Variants in CHODL observed in about 807,000 individuals in gnomAD.
CHODL encodes transmembrane protein MT75.
In CHODL, 29 loss-of-function variants were observed where a neutral mutation model predicts 34.5. That is an observed-to-expected ratio of 0.84 (90% CI 0.63 to 1.15). The LOEUF (loss-of-function observed/expected upper bound fraction) is 1.15. Among genes scored for constraint, CHODL ranks in the 50% most tolerant of loss-of-function variants. CHODL has a pLI of 0.00. For missense variants in CHODL, 332 were observed against 332.5 expected (o/e 1.00, Z 0.01); for synonymous variants, 125 against 116.1 (o/e 1.08, Z -0.49).
chr21:18,150,339 A>T (rs116438295), intron 2 of CHODL, among the ~76,000 whole-genome samples: 23 of 152,148 alleles, frequency 1.5e-4, no homozygotes, highest in African/African-American at 5.5e-4. Flanking sequence ...GGCATGTCTG[A>T]CCCCACTCCC....
intron 2 of CHODL, among the ~76,000 whole-genome samples, chr21:18,121,953 T>C (rs2824638): frequency 0.1 from 15,679 of 152,202 alleles, 1,005 homozygotes; most frequent in Middle Eastern, 0.14. Flanking sequence ...AGATTTTTAT[T>C]ATCAGTGCCA....
chr21:18,240,180 G>C (rs2074068277), upstream of CHODL, among the ~76,000 whole-genome samples: 1 of 152,014 alleles, frequency 6.6e-6, no homozygotes, highest in Admixed American at 6.5e-5. Context: ...TATAAATTAA[G>C]TGACATTTTA....
chr21:18,117,665 T>C (rs2065428773), intron 2 of CHODL, among the ~76,000 whole-genome samples: 1 of 151,968 alleles, frequency 6.6e-6, no homozygotes, highest in African/African-American at 2.4e-5. Flanking sequence ...AAATGAGTTA[T>C]TGTCATTGTG....
intron 2 of CHODL, among the ~76,000 whole-genome samples, chr21:18,095,481 C>A (rs1002881415): frequency 2.0e-5 from 3 of 152,080 alleles, no homozygotes; most frequent in African/African-American, 7.2e-5. Context: ...CCTGAACATA[C>A]CAATAACAAG....
chr21:18,236,430 A>G (rs2074029488), intron 2 of CHODL, among the ~76,000 whole-genome samples: 3 of 152,060 alleles, frequency 2.0e-5, no homozygotes, highest in South Asian at 4.1e-4. Flanking sequence ...GTAGCTTTTG[A>G]GCATTTAGAC....
rs554739874 is a variant in CHODL at position 18,231,178 on chromosome 21, A to G, written c.-44-25331A>G. ...TTTAAGTTGAAGAAAGAACTAGTCA[A>G]TGTTATAACAAAGTAGCGGTATTCC... is the stretch of plus-strand genomic sequence containing the variant. On this transcript the variant is annotated intron_variant, in intron 2 of 6. Transcript: ENST00000400127. 3.0e-4 allele frequency among the ~76,000 whole-genome samples: 46 copies of G among 152,252 alleles called. No individual in the cohort carries two copies. In the East Asian group the frequency reaches 7.7e-3, roughly 26 times the overall value.
chr21:18,145,852 A>T (rs2072878696), intron 2 of CHODL, among the ~76,000 whole-genome samples: 1 of 152,228 alleles, frequency 6.6e-6, no homozygotes, highest in Non-Finnish European at 1.5e-5. Flanking sequence ...GTATATACTC[A>T]CACATGTGGA....
intron 2 of CHODL, among the ~76,000 whole-genome samples, chr21:18,079,551 A>G (rs2064910757): frequency 6.7e-6 from 1 of 150,068 alleles, no homozygotes; most frequent in Admixed American, 6.7e-5. Context: ...TATGTATGTG[A>G]TAAATATAAA....
chr21:18,224,571 G>T (rs2073914181), intron 2 of CHODL, among the ~76,000 whole-genome samples: 1 of 152,080 alleles, frequency 6.6e-6, no homozygotes, highest in Admixed American at 6.6e-5. Context: ...ACTATTCCTG[G>T]ATCTCTATTT....
chr21:18,163,363 A>T lies in CHODL; in HGVS notation c.-44-93146A>T, dbSNP rs538589935. ...CTAAAAAAGTTACATGACTGAAAAC[A>T]TTTGGAAATATTGGACTGAACAAAT... is the stretch of plus-strand genomic sequence containing the variant. On this transcript the variant is annotated intron_variant, in intron 2 of 6. Coordinates refer to the CHODL transcript ENST00000400127. Among the ~76,000 whole-genome samples, 212 of 152,332 alleles carry T rather than the reference A, an allele frequency of 1.4e-3. 1 individual carries two copies. The highest frequency in any genetic ancestry group is 2.6e-3 in the Non-Finnish European group (174 of 68,016).
intron 1 of CHODL, among the ~76,000 whole-genome samples, chr21:18,256,001 T>G (rs2074310762): frequency 6.6e-6 from 1 of 152,162 alleles, no homozygotes; most frequent in East Asian, 1.9e-4. Context: ...ACTTTCAATT[T>G]TAATAGATTT....
At chr21:18,141,427 A>G (rs2072801078) in intron 2 of CHODL, among the ~76,000 whole-genome samples, 2 of 152,130 alleles carry the variant, frequency 1.3e-5, no homozygotes, top group African/African-American at 4.8e-5. Flanking sequence ...GAATGGAATG[A>G]ACAGCAGTAG....
chr21:18,193,235 T>G (rs1453993324), intron 2 of CHODL, among the ~76,000 whole-genome samples: 1 of 152,214 alleles, frequency 6.6e-6, no homozygotes, highest in East Asian at 1.9e-4. Context: ...ATACTCATTA[T>G]GTAATTATAC....
intron 2 of CHODL, among the ~76,000 whole-genome samples, chr21:18,180,176 G>A (rs1046919267): frequency 2.0e-5 from 3 of 151,988 alleles, no homozygotes; most frequent in African/African-American, 7.3e-5. Flanking sequence ...TTTTTGAGAT[G>A]GGCTTTTGCT....
At chr21:17,968,438 T>C (rs2063589665) in intron 1 of CHODL, among the ~76,000 whole-genome samples, 1 of 152,246 alleles carries the variant, frequency 6.6e-6, no homozygotes, top group African/African-American at 2.4e-5. Flanking sequence ...TGGCTGGAAC[T>C]GATGTGCTTG....
chr21:18,110,208 G>A (rs994383391), intron 2 of CHODL, among the ~76,000 whole-genome samples: 4 of 152,280 alleles, frequency 2.6e-5, no homozygotes, highest in African/African-American at 9.6e-5. Context: ...TCTTTCTAAT[G>A]TATGGCATTG....
intron 2 of CHODL, among the ~76,000 whole-genome samples, chr21:18,038,084 G>C (rs1031567637): frequency 6.6e-6 from 1 of 151,350 alleles, no homozygotes; most frequent in Non-Finnish European, 1.5e-5. Context: ...TTCTCTTTTG[G>C]TGAAAAGTTT....
chr21:17,928,620 T>G (rs2063247032), intron 1 of CHODL, among the ~76,000 whole-genome samples: 1 of 152,088 alleles, frequency 6.6e-6, no homozygotes, highest in African/African-American at 2.4e-5. Context: ...TTTTTAGAAT[T>G]GAATCTAAAA....
At chr21:17,944,872 A>T (rs1423158800) in intron 1 of CHODL, among the ~76,000 whole-genome samples, 1 of 152,216 alleles carries the variant, frequency 6.6e-6, no homozygotes, top group East Asian at 1.9e-4. Flanking sequence ...AGACAACAAC[A>T]TAAGGGAACA....
Sources: allele counts gnomAD v4.1 joint callset (sites outside exome capture counted in the v4.1 genomes callset), GRCh38; gene constraint gnomAD v4.1.1; transcripts MANE v1.5; gene names NCBI Gene and HGNC (gene_info 2026-07-23, HGNC 2026-07-21).